The following MPP7 variants were observed in gnomAD, a reference collection of about 807,000 sequenced individuals.
MPP7 encodes the protein MAGUK p55 subfamily member 7.
A neutral mutation model predicts 76.5 loss-of-function variants in MPP7; 60 were observed. That is an observed-to-expected ratio of 0.78 (90% confidence interval 0.64 to 0.97). The LOEUF (loss-of-function observed/expected upper bound fraction) is 0.97. Ranked by LOEUF, MPP7 falls within the 50% of genes least tolerant of loss-of-function variation. The pLI, the probability that MPP7 is intolerant of heterozygous loss-of-function variation, is 0.00. For synonymous variants in MPP7, 237 were observed against 244.5 expected (o/e 0.97, Z 0.29); for missense variants, 641 against 694.0 (o/e 0.92, Z 0.86).
intron 3 of MPP7, among the ~76,000 whole-genome samples, chr10:28,165,361 A>C (rs894777158): frequency 6.6e-6 from 1 of 152,044 alleles, no homozygotes; most frequent in Non-Finnish European, 1.5e-5. Flanking sequence ...TATCCCTATA[A>C]AGAAATTTTT....
At chr10:28,201,670 T>A (rs1166547126) in intron 3 of MPP7, among the ~76,000 whole-genome samples, 1 of 152,176 alleles carries the variant, frequency 6.6e-6, no homozygotes, top group Admixed American at 6.5e-5. Flanking sequence ...TGTATTTATA[T>A]ACAAAATACC....
chr10:28,118,320 A>C (rs921013198), intron 11 of MPP7: 1 of 978,146 alleles, frequency 1.0e-6, no homozygotes, highest in Admixed American at 6.2e-5. Flanking sequence ...AAAAATTTTC[A>C]ATCAATGAAA....
chr10:28,097,917 T>C (rs1472962572), intron 11 of MPP7, among the ~76,000 whole-genome samples: 3 of 152,192 alleles, frequency 2.0e-5, no homozygotes, highest in Admixed American at 6.5e-5. Context: ...TAAAGACTTT[T>C]TGCAAGTATT....
At chr10:28,072,469 C>G (rs994150813) in intron 12 of MPP7, among the ~76,000 whole-genome samples, 1 of 152,160 alleles carries the variant, frequency 6.6e-6, no homozygotes, top group African/African-American at 2.4e-5. Flanking sequence ...CATCCCTCTA[C>G]CCATCAGCCA....
intron 12 of MPP7, among the ~76,000 whole-genome samples, chr10:28,077,669 C>T (rs566446287): frequency 1.8e-4 from 28 of 152,262 alleles, no homozygotes; most frequent in African/African-American, 6.5e-4. Context: ...TTTATTCATA[C>T]GCCTCTGCAA....
At chr10:28,178,372 A>G (rs552528103) in intron 3 of MPP7, among the ~76,000 whole-genome samples, 14 of 152,196 alleles carry the variant, frequency 9.2e-5, no homozygotes, top group African/African-American at 3.4e-4. Context: ...ACAACTCACT[A>G]TTAAACACAG....
At chr10:28,305,555 A>T (rs1216058775), upstream of MPP7, 1 of 152,226 alleles carries the variant, frequency 6.6e-6, no homozygotes, top group African/African-American at 2.4e-5. Flanking sequence ...TGCACAGGTG[A>T]TGGGGAAATC....
chr10:28,100,280 A>G (rs2133507767), intron 11 of MPP7, among the ~76,000 whole-genome samples: 1 of 152,294 alleles, frequency 6.6e-6, no homozygotes, highest in East Asian at 1.9e-4. Context: ...CATAACCAAC[A>G]TAGTAACATG....
At chr10:28,311,818 C>T (rs990838811) in intron 2 of MPP7, among the ~76,000 whole-genome samples, 22 of 151,990 alleles carry the variant, frequency 1.4e-4, no homozygotes, top group African/African-American at 4.8e-4. Context: ...ACTAATGCTC[C>T]GTCCTCCCTC....
intron 2 of MPP7, among the ~76,000 whole-genome samples, chr10:28,312,515 A>C (rs1841295768): frequency 6.6e-6 from 1 of 152,216 alleles, no homozygotes; most frequent in African/African-American, 2.4e-5. Context: ...ACCTCTCAGC[A>C]TGATTATAAA....
intron 1 of MPP7, among the ~76,000 whole-genome samples, chr10:28,263,121 C>T (rs906312413): frequency 2.2e-4 from 34 of 152,144 alleles, no homozygotes; most frequent in African/African-American, 7.5e-4. Flanking sequence ...TCTACCTGCA[C>T]TCAGGTGTCT....
At chr10:28,170,762 T>C (rs1215679105) in intron 3 of MPP7, among the ~76,000 whole-genome samples, 3 of 152,132 alleles carry the variant, frequency 2.0e-5, no homozygotes, top group Admixed American at 6.5e-5. Context: ...TTTTTAGAAG[T>C]TCCATTCACC....
intron 1 of MPP7, among the ~76,000 whole-genome samples, chr10:28,289,667 T>G (rs557811046): frequency 1.1e-4 from 16 of 152,058 alleles, no homozygotes; most frequent in Non-Finnish European, 2.2e-4. Context: ...TCTGAGCAAA[T>G]GAGTGACAGG....
intron 5 of MPP7, among the ~76,000 whole-genome samples, chr10:28,140,527 A>G (rs1835483717): frequency 6.6e-6 from 1 of 152,144 alleles, no homozygotes; most frequent in South Asian, 2.1e-4. Flanking sequence ...AAAGAAAAAA[A>G]AATAGAATTG....
At chr10:28,180,168 G>A (rs1476931215) in intron 3 of MPP7, among the ~76,000 whole-genome samples, 1 of 152,170 alleles carries the variant, frequency 6.6e-6, no homozygotes, top group Admixed American at 6.5e-5. Context: ...AAATAATTGT[G>A]AAATGTAGTA....
At chr10:28,074,817 G>A (rs755009565) in intron 12 of MPP7, among the ~76,000 whole-genome samples, 2 of 152,106 alleles carry the variant, frequency 1.3e-5, no homozygotes, top group Admixed American at 6.6e-5. Flanking sequence ...AGCCCTTCAT[G>A]TTTCCACTTT....
intron 11 of MPP7, among the ~76,000 whole-genome samples, chr10:28,091,356 C>A (rs1025523747): frequency 2.0e-5 from 3 of 148,980 alleles, no homozygotes; most frequent in African/African-American, 7.4e-5. Flanking sequence ...GGCATGATCT[C>A]GGCTCATTGC....
At chr10:28,109,867 A>AAAAAAAAAAAAAAC (rs1834447582) in intron 11 of MPP7, among the ~76,000 whole-genome samples, 2 of 149,436 alleles carry the variant, frequency 1.3e-5, no homozygotes, top group African/African-American at 4.9e-5. Context: ...AAAAAAAAAA[A>AAAAAAAAAAAAAAC]AAAAAACACT....
chr10:28,272,221 T>C (rs1433143188), intron 1 of MPP7, among the ~76,000 whole-genome samples: 1 of 152,172 alleles, frequency 6.6e-6, no homozygotes, highest in African/African-American at 2.4e-5. Context: ...TAAAATGCAC[T>C]TTTAGATTCG....
Sources: allele counts gnomAD v4.1 joint callset (sites outside exome capture counted in the v4.1 genomes callset), GRCh38; gene constraint gnomAD v4.1.1; transcripts MANE v1.5; gene names NCBI Gene and HGNC (gene_info 2026-07-23, HGNC 2026-07-21).